The following ZNF536 variants were observed in gnomAD, a reference collection of about 807,000 sequenced individuals.
ZNF536 encodes zinc finger protein 536.
In ZNF536, 13 loss-of-function variants were observed where a neutral mutation model predicts 84.5. That is an observed-to-expected ratio of 0.15 (90% CI 0.10 to 0.24). The LOEUF (loss-of-function observed/expected upper bound fraction) is 0.24, where lower values mean the gene tolerates loss of function less well. Among genes scored for constraint, ZNF536 ranks in the 10% least tolerant of loss-of-function variants. The probability of loss-of-function intolerance (pLI) is 1.00; values close to 1 mark genes in which losing one functional copy is unlikely to be tolerated. For synonymous variants in ZNF536, 811 were observed against 742.5 expected, an observed-to-expected ratio of 1.09 and a Z score of -1.50; for missense variants, 1,536 against 1,747.5, an observed-to-expected ratio of 0.88 and a Z score of 2.16.
intron 1 of ZNF536, among the ~76,000 whole-genome samples, chr19:30,568,440 G>A (rs2046428928): frequency 6.6e-6 from 1 of 152,210 alleles, no homozygotes; most frequent in Admixed American, 6.5e-5. Context: ...ATTGATGGGA[G>A]CAAAGATGAG....
At chr19:30,350,333 G>T (rs1422864838) in intron 2 of ZNF536, among the ~76,000 whole-genome samples, 1 of 152,202 alleles carries the variant, frequency 6.6e-6, no homozygotes, top group African/African-American at 2.4e-5. Context: ...ATAACTTTCA[G>T]GGGGAATGAG....
chr19:30,411,778 A>G (rs1287568301), intron 1 of ZNF536, among the ~76,000 whole-genome samples: 1 of 152,098 alleles, frequency 6.6e-6, no homozygotes, highest in Non-Finnish European at 1.5e-5. Flanking sequence ...GGCAATTATC[A>G]CATTTTTTAA....
At chr19:30,520,478 C>CA (rs970168994) in intron 2 of ZNF536, among the ~76,000 whole-genome samples, 1 of 152,136 alleles carries the variant, frequency 6.6e-6, no homozygotes, top group African/African-American at 2.4e-5. Flanking sequence ...CACATCCCCC[C>CA]AGGTCCTCAT....
At chr19:30,500,714 G>A (rs2054915325) in intron 2 of ZNF536, among the ~76,000 whole-genome samples, 1 of 151,828 alleles carries the variant, frequency 6.6e-6, no homozygotes, top group Non-Finnish European at 1.5e-5. Flanking sequence ...CCCCAGGCTT[G>A]CTCCTGGTTC....
chr19:30,531,041 A>G (rs768122262), intron 2 of ZNF536, among the ~76,000 whole-genome samples: 7 of 152,110 alleles, frequency 4.6e-5, no homozygotes, highest in Middle Eastern at 3.2e-3. Flanking sequence ...TCCTGGGACC[A>G]CCCACGATAG....
intron 1 of ZNF536, among the ~76,000 whole-genome samples, chr19:30,379,682 A>G (rs548591973): frequency 2.0e-5 from 3 of 151,576 alleles, no homozygotes; most frequent in South Asian, 2.1e-4. Context: ...ACGATGCCCA[A>G]GTAGGCTGCT....
At chr19:30,320,504 C>T (rs538455487) in intron 2 of ZNF536, among the ~76,000 whole-genome samples, 1 of 152,158 alleles carries the variant, frequency 6.6e-6, no homozygotes, top group Non-Finnish European at 1.5e-5. Flanking sequence ...TCCTGGTTTT[C>T]AGGGAAAAAC....
intron 1 of ZNF536, among the ~76,000 whole-genome samples, chr19:30,280,737 G>T (rs1342641762): frequency 6.6e-6 from 1 of 152,234 alleles, no homozygotes; most frequent in Non-Finnish European, 1.5e-5. Context: ...CTCCCTCAGA[G>T]CCCATGGGTC....
chr19:30,378,565 CG>C (rs1468042878), intron 1 of ZNF536, among the ~76,000 whole-genome samples: 1 of 152,174 alleles, frequency 6.6e-6, no homozygotes, highest in Non-Finnish European at 1.5e-5. Context: ...GGTGCTGAAT[CG>C]GGGTGGTTTG....
At chr19:30,606,689 A>G (rs938607551) in intron 1 of ZNF536, among the ~76,000 whole-genome samples, 6 of 152,134 alleles carry the variant, frequency 3.9e-5, no homozygotes, top group African/African-American at 1.4e-4. Flanking sequence ...GTGTGAATTG[A>G]GTTGACTCCC....
chr19:30,441,730 T>C (rs930293120), intron 1 of ZNF536, among the ~76,000 whole-genome samples: 3 of 152,224 alleles, frequency 2.0e-5, no homozygotes, highest in Admixed American at 1.3e-4. Flanking sequence ...CCATGCACCT[T>C]TACGCTTTGC....
chr19:30,321,507 G>T (rs925605407), intron 2 of ZNF536, among the ~76,000 whole-genome samples: 1 of 152,094 alleles, frequency 6.6e-6, no homozygotes, highest in Non-Finnish European at 1.5e-5. Flanking sequence ...GCAGTGGGCC[G>T]AGACCACGCC....
At chr19:30,481,424 A>T (rs1038990707) in intron 2 of ZNF536, among the ~76,000 whole-genome samples, 3 of 152,184 alleles carry the variant, frequency 2.0e-5, no homozygotes, top group Middle Eastern at 6.8e-3. Context: ...GTTTGAGAGC[A>T]TCCTCATCTT....
intron 2 of ZNF536, among the ~76,000 whole-genome samples, chr19:30,474,879 G>A (rs1026604118): frequency 6.7e-6 from 1 of 150,044 alleles, no homozygotes; most frequent in African/African-American, 2.5e-5. Context: ...TTTCCCTCTT[G>A]TCCCCCAATG....
chr19:30,397,028 C>T (rs1338635890), intron 1 of ZNF536, among the ~76,000 whole-genome samples: 1 of 152,204 alleles, frequency 6.6e-6, no homozygotes, highest in Admixed American at 6.5e-5. Context: ...GGCCCTTCCA[C>T]ATCCTATAAC....
chr19:30,678,738 C>G (rs1326608707), intron 1 of ZNF536, among the ~76,000 whole-genome samples: 1 of 150,886 alleles, frequency 6.6e-6, no homozygotes, highest in South Asian at 2.1e-4. Flanking sequence ...CCCAAGCCCC[C>G]CCACACACAC....
At chr19:30,630,693 C>T (rs184900928) in intron 1 of ZNF536, among the ~76,000 whole-genome samples, 45 of 152,270 alleles carry the variant, frequency 3.0e-4, no homozygotes, top group Non-Finnish European at 4.4e-4. Context: ...TTAGGGGCTG[C>T]GACTGCTACC....
At chr19:30,702,120 T>C (rs1176060626) in intron 1 of ZNF536, among the ~76,000 whole-genome samples, 2 of 152,166 alleles carry the variant, frequency 1.3e-5, no homozygotes, top group Admixed American at 6.5e-5. Context: ...AATGAATGGA[T>C]GGCCCTCCCA....
intron 1 of ZNF536, among the ~76,000 whole-genome samples, chr19:30,250,594 G>T (rs2024551346): frequency 6.6e-6 from 1 of 152,184 alleles, no homozygotes; most frequent in Admixed American, 6.5e-5. Flanking sequence ...ACCTTGCTAG[G>T]GCTGGGCACT....
Sources: allele counts gnomAD v4.1 joint callset (sites outside exome capture counted in the v4.1 genomes callset), GRCh38; gene constraint gnomAD v4.1.1; transcripts MANE v1.5; gene names NCBI Gene and HGNC (gene_info 2026-07-23, HGNC 2026-07-21).